Variants in SLC25A25 observed in about 807,000 individuals in gnomAD.
The protein encoded by SLC25A25 is solute carrier family 25 member 25.
Under a neutral mutation model 57.7 loss-of-function variants are expected in SLC25A25, and 32 were observed. The ratio of observed to expected loss-of-function variants is 0.55; its 90% CI spans 0.42 to 0.74. The LOEUF (loss-of-function observed/expected upper bound fraction) is 0.74, where lower values mean the gene tolerates loss of function less well. SLC25A25 is among the 30% of genes least tolerant of loss of function. The pLI is 0.00. For missense variants in SLC25A25, 556 were observed against 701.3 expected, an observed-to-expected ratio of 0.79 and a Z score of 2.34; for synonymous variants, 306 against 291.2, an observed-to-expected ratio of 1.05 and a Z score of -0.52.
chr9:128,093,214 G>A (rs763679714), intron 1 of SLC25A25, among the ~76,000 whole-genome samples: 112 of 76,332 alleles, frequency 1.5e-3, no homozygotes, highest in Non-Finnish European at 2.3e-3. Flanking sequence ...TTCCTTCTGA[G>A]CAAAGCAGTG....
At chr9:128,100,989 G>T in intron 1 of SLC25A25, 107 bp from the exon 2 acceptor site, 1 of 1,495,734 alleles carries the variant, frequency 6.7e-7, no homozygotes, top group Non-Finnish European at 9.1e-7. Flanking sequence ...CTTGGGGCCA[G>T]CTCTGCTCGC....
chr9:128,073,660 T>C (rs1387452170), intron 1 of SLC25A25, among the ~76,000 whole-genome samples: 2 of 152,196 alleles, frequency 1.3e-5, no homozygotes, highest in Non-Finnish European at 2.9e-5. Flanking sequence ...ATTAAATTCA[T>C]ATATTAAACT....
Position 128,102,045 on chromosome 9 carries a change from T to C in SLC25A25, c.477-35T>C. ...TCCGAGCACTTATGCGTGTTGTTTC[T>C]GCTCTCTCCTCCGCATCCTTTGTCT... On this transcript the variant is annotated intron_variant, in intron 3 of 10. Transcript: ENST00000373069. The surrounding 1 kb of genome is among the most constrained non-coding windows in gnomAD (Gnocchi z 4.1). 8 of 1,550,534 alleles carry C rather than the reference T, an allele frequency of 5.2e-6. No homozygotes were observed. The highest frequency in any genetic ancestry group is 6.1e-6 in the Non-Finnish European group (7 of 1,146,920).
At chr9:128,105,428 C>A (rs1262801721) in intron 6 of SLC25A25, among the ~76,000 whole-genome samples, 8 of 152,074 alleles carry the variant, frequency 5.3e-5, no homozygotes, top group Non-Finnish European at 1.2e-4. Context: ...GCCTCAGCCT[C>A]CCAAAGTGCT....
In SLC25A25 at chr9:128,103,704, A is replaced by G. The variant is rs201631831; in HGVS notation, c.648A>G (p.Leu216=). The G allele has an allele frequency of 1.9e-4, 304 of 1,614,066 alleles. No homozygotes were observed. The highest frequency in any genetic ancestry group is 2.3e-4 in the Non-Finnish European group (274 of 1,180,040). ...HSTIFDVGEN[L]TVPDEFTVEE... Reference sequence around the variant, plus strand: ...AGATCTTTGATGTGGGTGAGAATCTAACGGTCCCGGATGAGTTCACAGTGG... The same window carrying G: ...AGATCTTTGATGTGGGTGAGAATCTGACGGTCCCGGATGAGTTCACAGTGG... The change falls in exon 6 of 11, where the codon CTA becomes CTG. Residue 216 remains leucine, a synonymous_variant. Transcript: ENST00000373069. The surrounding 1 kb of genome is among the most constrained non-coding windows in gnomAD (Gnocchi z 6.7).
At chr9:128,084,242 G>A (rs1833225069) in intron 1 of SLC25A25, among the ~76,000 whole-genome samples, 1 of 144,220 alleles carries the variant, frequency 6.9e-6, no homozygotes, top group African/African-American at 2.5e-5. Context: ...CAACCGACCA[G>A]CATTAACATT....
At chr9:128,070,949 T>TC (rs1307705366) in intron 1 of SLC25A25, among the ~76,000 whole-genome samples, 4 of 21,284 alleles carry the variant, frequency 1.9e-4, no homozygotes, top group Non-Finnish European at 4.3e-4. Context: ...AAACTCCATC[T>TC]CAAAAAAAAA....
intron 1 of SLC25A25, among the ~76,000 whole-genome samples, chr9:128,077,342 C>T (rs1833038110): frequency 6.6e-6 from 1 of 150,924 alleles, no homozygotes; most frequent in African/African-American, 2.4e-5. Flanking sequence ...GGTGAAACCC[C>T]GTCTCTACTA....
intron 1 of SLC25A25, among the ~76,000 whole-genome samples, chr9:128,079,502 T>A (rs1418584362): frequency 1.4e-5 from 2 of 146,610 alleles, no homozygotes; most frequent in Non-Finnish European, 3.0e-5. Context: ...CTCACGCCTG[T>A]AATCCCAGCA....
At position 128,101,627 on chromosome 9, in the gene SLC25A25, T is replaced by G. The variant is rs2130818309; in HGVS notation, c.476+231T>G. ...ATTTTGCCCATCGGCCAGTGGCCCA[T>G]GAAGGGAAAACTAATTTGGGGGTGG... On this transcript the variant is annotated intron_variant, in intron 3 of 10. Transcript: ENST00000373069. This position sits in a 1 kb window ranked among gnomAD's most constrained non-coding sequence, Gnocchi z 4.9. 7.0e-6 allele frequency among the ~76,000 whole-genome samples: 1 copy of G among 141,846 alleles called. No individual in the cohort carries two copies. Among genetic ancestry groups the G allele is most frequent in the Middle Eastern group, 3.8e-3 (1 of 260 alleles). The allele number at this position is 141,846 out of a possible 152,430, so 93.1% of individuals were successfully genotyped here. A position where few individuals can be genotyped will look rare whatever the true frequency, so the allele number is the denominator to read the frequency against.
chr9:128,071,060 C>G (rs1832898227), intron 1 of SLC25A25, among the ~76,000 whole-genome samples: 1 of 152,204 alleles, frequency 6.6e-6, no homozygotes, highest in Non-Finnish European at 1.5e-5. Context: ...GCATTGCTGC[C>G]AGGCACATTG....
Position 128,101,241 on chromosome 9 carries a change from G to A in SLC25A25, c.388+19G>A. ...AATGATGGTAAGTGTTGCCTTCAGAGCTGTGGCCGGTCCAGCCTCGGGCCT... is the reference window on the plus strand; with the variant it reads ...AATGATGGTAAGTGTTGCCTTCAGAACTGTGGCCGGTCCAGCCTCGGGCCT... On this transcript the variant is annotated intron_variant, in intron 2 of 10. Transcript: ENST00000373069. This position sits in a 1 kb window ranked among gnomAD's most constrained non-coding sequence, Gnocchi z 4.9. 6.2e-7 allele frequency: 1 copy of A among 1,614,280 alleles called. No homozygotes were observed. Among genetic ancestry groups the A allele is most frequent in the Non-Finnish European group, 8.5e-7 (1 of 1,180,058 alleles).
rs370541844 is a variant in SLC25A25, at chr9:128,095,353, G to A, written c.262-5743G>A. Among the ~76,000 whole-genome samples the A allele has an allele frequency of 8.8e-4, 134 of 152,264 alleles. 2 individuals carry two copies. Among genetic ancestry groups the A allele is most frequent in the African/African-American group, 3.0e-3 (125 of 41,546 alleles). On this transcript the variant is annotated intron_variant, in intron 1 of 10. Transcript: ENST00000373069. This position sits in a 1 kb window ranked among gnomAD's most constrained non-coding sequence, Gnocchi z 4.4. ...TGCCCTTGACAGGCTTTGGGAATTG[G>A]GCAAATCAGGTCGCCTCTCCCAGGC...
intron 1 of SLC25A25, chr9:128,091,776 C>T: frequency 6.7e-7 from 1 of 1,495,244 alleles, no homozygotes; most frequent in South Asian, 1.4e-5. Context: ...CCAGGCCCGT[C>T]CTCCCAGCAG....
At chr9:128,070,950 C>CAAAAAAAAAAAAAAAAAAAAAA (rs531221205) in intron 1 of SLC25A25, among the ~76,000 whole-genome samples, 1 of 57,424 alleles carries the variant, frequency 1.7e-5, no homozygotes, top group African/African-American at 5.9e-5. Context: ...AACTCCATCT[C>CAAAAAAAAAAAAAAAAAAAAAA]AAAAAAAAAA....
Position 128,099,304 on chromosome 9 carries a change from G to A in SLC25A25, c.262-1792G>A, listed in dbSNP as rs922017967. On this transcript the variant is annotated intron_variant, in intron 1 of 10. Coordinates refer to ENST00000373069, the MANE Select transcript of SLC25A25 (RefSeq NM_001330988.2). The surrounding 1 kb of genome is among the most constrained non-coding windows in gnomAD (Gnocchi z 6.8). ...CACTGTGCACCAAGGGGGATTTGCA[G>A]ATCCAAGGAAGGAGACAGAAGGAGG... 3 of 1,279,840 alleles carry A rather than the reference G, an allele frequency of 2.3e-6. No individual in the cohort carries two copies. The highest frequency in any genetic ancestry group is 3.0e-6 in the Non-Finnish European group (3 of 985,384). The allele number at this position is 1,279,840 out of a possible 1,614,324, so 79.3% of individuals were successfully genotyped here. A position where few individuals can be genotyped will look rare whatever the true frequency, so the allele number is the denominator to read the frequency against.
Position 128,107,088 on chromosome 9 carries a change from T to C in SLC25A25, c.1272T>C (p.Phe424=), listed in dbSNP as rs542867942. 8.1e-5 allele frequency: 131 copies of C among 1,614,014 alleles called. 1 individual carries two copies. Among genetic ancestry groups the C allele is most frequent in the Non-Finnish European group, 1.1e-4 (124 of 1,180,032 alleles). Residue 424 remains phenylalanine, a synonymous_variant, in exon 10 of 11, where the codon TTT becomes TTC. Coordinates refer to ENST00000373069, the MANE Select transcript of SLC25A25 (RefSeq NM_001330988.2). Reference sequence around the variant, plus strand: ...TGAACAGCGCGGACCCCGGCGTGTTTGTGCTCCTGGCCTGTGGCACCATGT... The same window carrying C: ...TGAACAGCGCGGACCCCGGCGTGTTCGTGCTCCTGGCCTGTGGCACCATGT... The part of the protein sequence containing the change: ...YAVNSADPGV[F]VLLACGTMSS...
At chr9:128,106,589 G>A in intron 9 of SLC25A25, 69 bp downstream of exon 9, 3 of 1,501,894 alleles carry the variant, frequency 2.0e-6, no homozygotes, top group Non-Finnish European at 2.7e-6. Flanking sequence ...CTCCCTCCTT[G>A]ACGGACGCGT....
chr9:128,075,801 G>A (rs542644830), intron 1 of SLC25A25, among the ~76,000 whole-genome samples: 32 of 152,166 alleles, frequency 2.1e-4, no homozygotes, highest in South Asian at 2.1e-4. Context: ...CCGAGATCGC[G>A]CCACTGCACT....
Sources: gnomAD v4.1 joint callset for allele counts (sites outside exome capture counted in the v4.1 genomes callset) on GRCh38, gnomAD v4.1.1 for gene constraint, Gnocchi (gnomAD v3.1) non-coding constraint, MANE v1.5 for transcripts, NCBI Gene and HGNC (gene_info 2026-07-23, HGNC 2026-07-21) for gene names.